ESR1: variants seen among roughly 807,000 people sequenced by gnomAD.
ESR1 encodes the protein estrogen receptor.
ESR1 carries 12 observed loss-of-function variants against 52.7 expected under a neutral mutation model. The ratio of observed to expected loss-of-function variants is 0.23; its 90% CI spans 0.15 to 0.37. The LOEUF (loss-of-function observed/expected upper bound fraction) is 0.37. Among genes scored for constraint, ESR1 ranks in the 10% least tolerant of loss-of-function variants. The pLI is 1.00. For missense variants in ESR1, 584 were observed against 779.7 expected (o/e 0.75, Z 2.99); for synonymous variants, 305 against 316.8 (o/e 0.96, Z 0.39).
At chr6:151,961,526 G>C (rs2037659571) in intron 4 of ESR1, among the ~76,000 whole-genome samples, 1 of 152,148 alleles carries the variant, frequency 6.6e-6, no homozygotes, top group African/African-American at 2.4e-5. Flanking sequence ...ATGGGGAATG[G>C]CTACTGGGAT....
At chr6:151,999,924 T>TAA (rs924187053) in intron 4 of ESR1, among the ~76,000 whole-genome samples, 1 of 152,112 alleles carries the variant, frequency 6.6e-6, no homozygotes, top group African/African-American at 2.4e-5. Context: ...CCAAATGGAA[T>TAA]AAAAATATTT....
chr6:151,956,743 C>T (rs767699150), intron 4 of ESR1, among the ~76,000 whole-genome samples: 2 of 149,242 alleles, frequency 1.3e-5, no homozygotes, highest in Admixed American at 6.7e-5. Context: ...AAAAAACAAC[C>T]CTTCTCCTTT....
At chr6:151,669,379 T>G (rs1293957) in intron 1 of ESR1, among the ~76,000 whole-genome samples, 151,636 of 151,996 alleles carry the variant, frequency 1, 75,639 homozygotes, top group Middle Eastern at 1. Flanking sequence ...CTACAGAGAA[T>G]TTGAGGAAGG....
chr6:151,959,252 CT>C (rs1422106818), intron 4 of ESR1, among the ~76,000 whole-genome samples: 1 of 152,018 alleles, frequency 6.6e-6, no homozygotes, highest in Admixed American at 6.6e-5. Context: ...TCTCTTCCAT[CT>C]TTGTTTGAAT....
At chr6:151,750,328 A>G (rs2128076303) in intron 2 of ESR1, among the ~76,000 whole-genome samples, 1 of 152,328 alleles carries the variant, frequency 6.6e-6, no homozygotes, top group East Asian at 1.9e-4. Flanking sequence ...GATGCTGTGT[A>G]ATAAATCGTT....
At chr6:151,855,943 A>G (rs1222490352) in intron 2 of ESR1, among the ~76,000 whole-genome samples, 1 of 152,190 alleles carries the variant, frequency 6.6e-6, no homozygotes, top group Non-Finnish European at 1.5e-5. Flanking sequence ...TGCATGTGTG[A>G]TAACTGTGTA....
intron 4 of ESR1, among the ~76,000 whole-genome samples, chr6:151,951,279 G>C (rs571436475): frequency 6.6e-6 from 1 of 151,932 alleles, no homozygotes. Context: ...CAGTTGTTTC[G>C]GTTTCATTCG....
intron 2 of ESR1, among the ~76,000 whole-genome samples, chr6:151,723,710 A>G (rs1156981625): frequency 6.6e-6 from 1 of 152,088 alleles, no homozygotes. Context: ...CTCTACTAAA[A>G]ATACAAAAAT....
intron 1 of ESR1, among the ~76,000 whole-genome samples, chr6:151,812,303 A>ACAATCCTAGGCCTACCCGCC (rs1270377007): frequency 2.6e-5 from 4 of 152,210 alleles, no homozygotes; most frequent in African/African-American, 9.6e-5. Flanking sequence ...GTGCTTTCAT[A>ACAATCCTAGGCCTACCCGCC]GGCTAAAAAG....
intron 5 of ESR1, among the ~76,000 whole-genome samples, chr6:152,029,936 G>T (rs558534269): frequency 6.6e-6 from 1 of 152,178 alleles, no homozygotes; most frequent in African/African-American, 2.4e-5. Context: ...GACTAACAGC[G>T]GATCTCTTGG....
intron 1 of ESR1, among the ~76,000 whole-genome samples, chr6:151,822,791 C>G (rs989836367): frequency 2.6e-5 from 4 of 152,224 alleles, no homozygotes; most frequent in African/African-American, 7.2e-5. Context: ...TTGTAAACTC[C>G]TACATAATTT....
intron 3 of ESR1, among the ~76,000 whole-genome samples, chr6:151,914,849 A>G (rs1300468278): frequency 6.6e-6 from 1 of 152,218 alleles, no homozygotes; most frequent in Non-Finnish European, 1.5e-5. Flanking sequence ...TTTTGAGTTC[A>G]GGACACGTAC....
chr6:151,856,848 T>TC (rs1367908555), intron 2 of ESR1, among the ~76,000 whole-genome samples: 1 of 152,148 alleles, frequency 6.6e-6, no homozygotes, highest in Non-Finnish European at 1.5e-5. Flanking sequence ...CTTCTTTTTT[T>TC]CTGATTTTGT....
intron 4 of ESR1, among the ~76,000 whole-genome samples, chr6:151,981,384 G>A (rs2039977602): frequency 6.6e-6 from 1 of 152,188 alleles, no homozygotes; most frequent in Admixed American, 6.5e-5. Context: ...AGAACAGTGA[G>A]TGGTGCCCCA....
chr6:152,082,249 A>G (rs903046654), intron 6 of ESR1, among the ~76,000 whole-genome samples: 3 of 152,238 alleles, frequency 2.0e-5, no homozygotes, highest in African/African-American at 4.8e-5. Flanking sequence ...CAGCACATCA[A>G]AAAGCCTATC....
chr6:152,070,912 C>G (rs1234860876), intron 6 of ESR1, among the ~76,000 whole-genome samples: 1 of 138,922 alleles, frequency 7.2e-6, no homozygotes, highest in Non-Finnish European at 1.5e-5. Flanking sequence ...AGCAATATTC[C>G]ATGGAACAGA....
intron 2 of ESR1, among the ~76,000 whole-genome samples, chr6:151,773,094 C>T (rs1438825576): frequency 6.6e-6 from 1 of 152,154 alleles, no homozygotes; most frequent in Admixed American, 6.5e-5. Flanking sequence ...AACAAGGCCA[C>T]TAGGGTTGGC....
intron 3 of ESR1, among the ~76,000 whole-genome samples, chr6:151,899,023 G>C (rs1297802936): frequency 6.7e-6 from 1 of 149,694 alleles, no homozygotes; most frequent in Non-Finnish European, 1.5e-5. Flanking sequence ...CTGGCCGGGC[G>C]GGGGGCTGAA....
In ESR1 at chr6:151,880,649, T is replaced by C. The variant is rs775122947; in HGVS notation, c.644-6T>C. Reference sequence around the variant, plus strand: ...AATATTAATTCTGTCCTCTTGCTTTTAATAGGACATAACGACTATATGTGT... The same window carrying C: ...AATATTAATTCTGTCCTCTTGCTTTCAATAGGACATAACGACTATATGTGT... On this transcript the variant is annotated splice_polypyrimidine_tract_variant and splice_region_variant and intron_variant, in intron 2 of 7. Transcript: ENST00000206249. 1 of 1,503,882 alleles carries C rather than the reference T, an allele frequency of 6.6e-7. No individual in the cohort carries two copies. Among genetic ancestry groups the C allele is most frequent in the East Asian group, 2.3e-5 (1 of 44,358 alleles). The allele number at this position is 1,503,882 out of a possible 1,614,324, so 93.2% of individuals were successfully genotyped here.
Sources: allele counts gnomAD v4.1 joint callset (sites outside exome capture counted in the v4.1 genomes callset), GRCh38; gene constraint gnomAD v4.1.1; transcripts MANE v1.5; gene names NCBI Gene and HGNC (gene_info 2026-07-23, HGNC 2026-07-21).